The following SYNJ2 variants were observed in gnomAD, a reference collection of about 807,000 sequenced individuals.
SYNJ2 encodes synaptojanin 2, also known as polyphosphatidylinositol phosphatase SYNJ2.
A neutral mutation model predicts 141.3 loss-of-function variants in SYNJ2; 116 were observed. The ratio of observed to expected loss-of-function variants is 0.82; its 90% CI spans 0.71 to 0.96. The LOEUF is 0.96. SYNJ2 is among the 40% of genes least tolerant of loss of function. The probability of loss-of-function intolerance (pLI) is 0.00; values close to 1 mark genes in which losing one functional copy is unlikely to be tolerated. For synonymous variants in SYNJ2, 745 were observed against 777.7 expected (o/e 0.96, Z 0.70); for missense variants, 1,873 against 1,934.8 (o/e 0.97, Z 0.60).
chr6:158,051,734 C>A (rs1484945863), intron 5 of SYNJ2, among the ~76,000 whole-genome samples: 1 of 151,500 alleles, frequency 6.6e-6, no homozygotes, highest in Admixed American at 6.6e-5. Flanking sequence ...ATCACTTGAG[C>A]CCGGGAGTTC....
At chr6:158,094,945 C>G (rs1038918712) in intron 26 of SYNJ2, among the ~76,000 whole-genome samples, 1 of 152,160 alleles carries the variant, frequency 6.6e-6, no homozygotes, top group Non-Finnish European at 1.5e-5. Flanking sequence ...GTCAGGAGTT[C>G]AAGACCAGCC....
intron 6 of SYNJ2, 86 bp from the exon 7 acceptor site, chr6:158,059,171 C>G (rs867105950): frequency 3.0e-6 from 4 of 1,346,972 alleles, no homozygotes; most frequent in Middle Eastern, 2.7e-4. Context: ...ATGACTCCTG[C>G]CCCGTCTTCC....
At chr6:158,074,454 C>A (rs771096174) in intron 15 of SYNJ2, 126 bp from the exon 16 acceptor site, 3 of 1,032,370 alleles carry the variant, frequency 2.9e-6, no homozygotes, top group Non-Finnish European at 4.2e-6. Context: ...TAGTAGAAAA[C>A]TTTCTTTTTT....
chr6:157,994,122 T>C (rs1204226350), intron 1 of SYNJ2, among the ~76,000 whole-genome samples: 3 of 152,094 alleles, frequency 2.0e-5, no homozygotes, highest in Admixed American at 2.0e-4. Flanking sequence ...ACCCAGCCAG[T>C]GTGTGGTCTT....
chr6:158,025,812 C>T (rs1252051804), intron 2 of SYNJ2, among the ~76,000 whole-genome samples: 1 of 152,058 alleles, frequency 6.6e-6, no homozygotes, highest in Non-Finnish European at 1.5e-5. Flanking sequence ...ATTAGCTGGG[C>T]GTGGTGACGC....
In SYNJ2 at chr6:158,081,238, G is replaced by T. The variant is rs149130768; in HGVS notation, c.2697G>T (p.Pro899=). 6.2e-7 allele frequency: 1 copy of T among 1,614,110 alleles called. No individual in the cohort carries two copies. The highest frequency in any genetic ancestry group is 8.5e-7 in the Non-Finnish European group (1 of 1,180,026). The change falls in exon 19 of 27, where the codon CCG becomes CCT. Residue 899 remains proline (P), a synonymous_variant. Coordinates refer to ENST00000355585, the MANE Select transcript of SYNJ2 (RefSeq NM_003898.4). ...DATVVVNLQS[P]TLEEKNEFPE... Reference sequence around the variant, plus strand: ...CTGTTGTAGTAAACCTTCAATCACCGACCTTAGAAGAGAAAAACGAGTTTC... The same window carrying T: ...CTGTTGTAGTAAACCTTCAATCACCTACCTTAGAAGAGAAAAACGAGTTTC...
At chr6:158,056,568 G>A (rs1352688483) in intron 6 of SYNJ2, among the ~76,000 whole-genome samples, 3 of 152,184 alleles carry the variant, frequency 2.0e-5, no homozygotes, top group Admixed American at 6.5e-5. Flanking sequence ...TCGAGATAAC[G>A]TTTGGAAATA....
rs1282797248 is a variant in SYNJ2, at chr6:158,059,516, C to T, written c.954+163C>T. On this transcript the variant is annotated intron_variant, in intron 7 of 26. Transcript: ENST00000355585. ...TCCGACCAGTGAACACGGCAGTGCT[C>T]AGTGACTCGGGCCCTGATACAGTGA... 4.2e-6 allele frequency: 6 copies of T among 1,417,122 alleles called. No homozygotes were observed. In the African/African-American group the frequency reaches 4.4e-5, roughly 10 times the overall value. The allele number at this position is 1,417,122 out of a possible 1,614,324, so 87.8% of individuals were successfully genotyped here.
intron 1 of SYNJ2, among the ~76,000 whole-genome samples, chr6:158,014,080 G>A (rs1778364967): frequency 6.6e-6 from 1 of 152,158 alleles, no homozygotes; most frequent in Non-Finnish European, 1.5e-5. Context: ...ATACCCATGG[G>A]ACCATTCTGT....
At position 158,062,130 on chromosome 6, in the gene SYNJ2, G is replaced by A. The variant is rs763826262; in HGVS notation, c.1093G>A (p.Asp365Asn). ...PQLKLHWEDF[D>N]VFTKGENVSP... ...GTTAAAGCTGCACTGGGAAGACTTC[G>A]ATGTGTTCACAAAGGGGGAGAACGT... The change falls in exon 8 of 27, where the codon GAT (aspartate) becomes AAT (asparagine). Residue 365 changes from aspartate to asparagine, a missense_variant. Coordinates refer to ENST00000355585, the MANE Select transcript of SYNJ2 (RefSeq NM_003898.4). 2.0e-5 allele frequency: 33 copies of A among 1,613,962 alleles called. No individual in the cohort carries two copies. The highest frequency in any genetic ancestry group is 8.8e-5 in the South Asian group (8 of 91,074).
At chr6:157,988,044 CCCTTTCT>C (rs1479068312) in intron 1 of SYNJ2, among the ~76,000 whole-genome samples, 1 of 152,254 alleles carries the variant, frequency 6.6e-6, no homozygotes, top group African/African-American at 2.4e-5. Context: ...CTCTATGCTC[CCCTTTCT>C]GGATGACATT....
Position 158,093,071 on chromosome 6 carries a change from C to T in SYNJ2, c.3711C>T (p.Ala1237=), listed in dbSNP as rs149929729. 6.2e-7 allele frequency: 1 copy of T among 1,608,912 alleles called. No homozygotes were observed. Among genetic ancestry groups the T allele is most frequent in the African/African-American group, 1.3e-5 (1 of 74,244 alleles). Residue 1237 remains alanine, a synonymous_variant, in exon 26 of 27, where the codon GCC becomes GCT. Transcript: ENST00000355585. ...GTCGGCCCCCACCCAGAGTTCCTGC[C>T]ATCAAGAAGCCAACCTTGAGAAGGA... ...LPRRPPPRVP[A]IKKPTLRRTG...
chr6:158,001,055 T>C (rs1260160210), intron 1 of SYNJ2: 2 of 152,934 alleles, frequency 1.3e-5, no homozygotes, highest in East Asian at 3.8e-4. Context: ...GGCCTCTCAC[T>C]TGCCGTCCTC....
At chr6:158,067,919 C>T (rs912342647) in intron 12 of SYNJ2, 50 of 985,140 alleles carry the variant, frequency 5.1e-5, no homozygotes, top group Non-Finnish European at 5.9e-5. Flanking sequence ...CAAGAGCCGT[C>T]CCTCCAGTCC....
At position 158,093,053 on chromosome 6, in the gene SYNJ2, C is replaced by A; in HGVS notation, c.3693C>A (p.Pro1231=). 1 of 1,608,706 alleles carries A rather than the reference C, an allele frequency of 6.2e-7. No homozygotes were observed. Among genetic ancestry groups the A allele is most frequent in the African/African-American group, 1.3e-5 (1 of 74,292 alleles). Residue 1231 remains proline, a synonymous_variant, in exon 26 of 27, where the codon CCC becomes CCA. Coordinates refer to ENST00000355585, the MANE Select transcript of SYNJ2 (RefSeq NM_003898.4). ...PQAPPLLPRR[P]PPRVPAIKKP... is the part of the protein sequence containing the mutation. ...CGCCCCCACTCCTTCCCCGTCGGCCCCCACCCAGAGTTCCTGCCATCAAGA... is the reference window on the plus strand; with the variant it reads ...CGCCCCCACTCCTTCCCCGTCGGCCACCACCCAGAGTTCCTGCCATCAAGA...
chr6:158,015,378 G>T (rs767886873), intron 1 of SYNJ2, among the ~76,000 whole-genome samples: 1 of 152,202 alleles, frequency 6.6e-6, no homozygotes, highest in Non-Finnish European at 1.5e-5. Context: ...ATGTAGAAAT[G>T]GTTCCATCCA....
intron 2 of SYNJ2, 37 bp from the exon 3 acceptor site, chr6:158,028,719 T>A (rs535232453): frequency 2.4e-5 from 38 of 1,602,308 alleles, no homozygotes; most frequent in Middle Eastern, 3.6e-4. Flanking sequence ...CCGGGCCGAC[T>A]TCGACCCTGA....
In SYNJ2 at chr6:158,092,998, CG is replaced by C. The variant is rs773992775; in HGVS notation, c.3643del (p.Ala1215GlnfsTer29). The stretch of plus-strand genomic sequence containing the variant: ...GCATCCTCTGAACCAGAGCCCACAC[CG>C]GGGGCAGCCAAACCAGAGACCCCAC... ...LEASSEPEPT[P>X]GAAKPETPQA... On this transcript the variant is annotated frameshift_variant, in exon 26 of 27. Coordinates refer to ENST00000355585, the MANE Select transcript of SYNJ2 (RefSeq NM_003898.4). LOFTEE classifies it high-confidence loss of function. The C allele has an allele frequency of 3.1e-6, 5 of 1,613,144 alleles. No homozygotes were observed. Among genetic ancestry groups the C allele is most frequent in the Non-Finnish European group, 3.4e-6 (4 of 1,179,764 alleles).
intron 2 of SYNJ2, among the ~76,000 whole-genome samples, chr6:158,025,148 T>C (rs1778974282): frequency 6.6e-6 from 1 of 152,200 alleles, no homozygotes; most frequent in African/African-American, 2.4e-5. Context: ...TGTGAGGACC[T>C]GCTTCTTGCT....
Sources: gnomAD v4.1 joint callset for allele counts (sites outside exome capture counted in the v4.1 genomes callset) on GRCh38, gnomAD v4.1.1 for gene constraint, MANE v1.5 for transcripts, NCBI Gene and HGNC (gene_info 2026-07-23, HGNC 2026-07-21) for gene names.